The following P3H2 variants were observed in gnomAD, a reference collection of about 807,000 sequenced individuals.
P3H2 encodes leprecan-like 1.
Under a neutral mutation model 87.0 loss-of-function variants are expected in P3H2, and 80 were observed. That is an observed-to-expected ratio of 0.92 (90% CI 0.77 to 1.11). The LOEUF (loss-of-function observed/expected upper bound fraction) is 1.11, where lower values mean the gene tolerates loss of function less well. P3H2 is among the 50% of genes least tolerant of loss of function. The probability of loss-of-function intolerance (pLI) is 0.00; values close to 1 mark genes in which losing one functional copy is unlikely to be tolerated. For missense variants in P3H2, 1,001 were observed against 923.9 expected, an observed-to-expected ratio of 1.08 and a Z score of -1.08; for synonymous variants, 367 against 359.3, an observed-to-expected ratio of 1.02 and a Z score of -0.24.
chr3:189,961,349 C>G (rs903525351), intron 14 of P3H2, among the ~76,000 whole-genome samples: 1 of 152,208 alleles, frequency 6.6e-6, no homozygotes, highest in Admixed American at 6.5e-5. Context: ...GAAAGAAATT[C>G]AAGAGCTGGA....
intron 1 of P3H2, among the ~76,000 whole-genome samples, chr3:190,090,842 T>C (rs1032867210): frequency 1.3e-5 from 2 of 152,060 alleles, no homozygotes; most frequent in Admixed American, 6.5e-5. Context: ...CCATTTCCTC[T>C]GTGTGGAATG....
chr3:190,079,239 G>A (rs1400406408), intron 1 of P3H2, among the ~76,000 whole-genome samples: 1 of 151,908 alleles, frequency 6.6e-6, no homozygotes, highest in Non-Finnish European at 1.5e-5. Context: ...TACTCAGGAG[G>A]CTGAGGCAGG....
chr3:190,079,248 G>T (rs895097865), intron 1 of P3H2, among the ~76,000 whole-genome samples: 2 of 151,910 alleles, frequency 1.3e-5, no homozygotes, highest in Non-Finnish European at 2.9e-5. Flanking sequence ...GGCTGAGGCA[G>T]GAGAATCACT....
intron 14 of P3H2, among the ~76,000 whole-genome samples, chr3:189,961,373 A>G (rs1722805327): frequency 1.3e-5 from 2 of 152,220 alleles, no homozygotes; most frequent in South Asian, 4.1e-4. Flanking sequence ...AATATATATG[A>G]AGCTTCGAAC....
Position 190,041,083 on chromosome 3 carries a change from C to G in P3H2, c.481-45641G>C, listed in dbSNP as rs1249898931. Among the ~76,000 whole-genome samples, 61 of 32,626 alleles carry G rather than the reference C, an allele frequency of 1.9e-3. 3 individuals carry two copies. Among genetic ancestry groups the G allele is most frequent in the African/African-American group, 9.6e-3 (55 of 5,736 alleles). The allele number at this position is 32,626 out of a possible 152,430, so 21.4% of individuals were successfully genotyped here. On this transcript the variant is annotated intron_variant, in intron 1 of 14. Coordinates refer to ENST00000319332, the MANE Select transcript of P3H2 (RefSeq NM_018192.4). Reference sequence around the variant, plus strand: ...ACACACACACACACACACACACACTCTCTCTCTCTATATATATATATATAC... The same window carrying G: ...ACACACACACACACACACACACACTGTCTCTCTCTATATATATATATATAC...
intron 1 of P3H2, among the ~76,000 whole-genome samples, chr3:190,091,377 C>G (rs578011871): frequency 1.3e-5 from 2 of 152,292 alleles, no homozygotes; most frequent in South Asian, 4.1e-4. Context: ...ACAGTAACTT[C>G]TTTTAATGAC....
At chr3:190,032,966 A>G (rs182368904) in intron 1 of P3H2, among the ~76,000 whole-genome samples, 258 of 152,356 alleles carry the variant, frequency 1.7e-3, no homozygotes, top group African/African-American at 6.0e-3. Flanking sequence ...ACCATAATGT[A>G]GAATCAGTGG....
chr3:189,994,148 A>G lies in P3H2; in HGVS notation c.769T>C (p.Phe257Leu), dbSNP rs1474562261. 1 of 1,613,624 alleles carries G rather than the reference A, an allele frequency of 6.2e-7. No homozygotes were observed. Among genetic ancestry groups the G allele is most frequent in the East Asian group, 2.2e-5 (1 of 44,890 alleles). Reference protein sequence around the residue: ...CRTLCEGPQRFEEYEYLGYKA... With the variant: ...CRTLCEGPQRLEEYEYLGYKA... ...TACCCTAAATACTCATATTCTTCAAATCTCTGAGGCCCCTCACATAGGGTC... is the reference window on the plus strand; with the variant it reads ...TACCCTAAATACTCATATTCTTCAAGTCTCTGAGGCCCCTCACATAGGGTC... The change falls in exon 3 of 15, where the codon TTT (phenylalanine) becomes CTT (leucine). Residue 257 changes from phenylalanine to leucine, a missense_variant. By Grantham distance (22) the Phe-to-Leu change is conservative (BLOSUM62 0). Coordinates refer to ENST00000319332, the MANE Select transcript of P3H2 (RefSeq NM_018192.4).
intron 1 of P3H2, among the ~76,000 whole-genome samples, chr3:189,998,693 TG>T (rs1302775390): frequency 6.6e-6 from 1 of 152,212 alleles, no homozygotes; most frequent in African/African-American, 2.4e-5. Flanking sequence ...GAAAAAAACT[TG>T]TAAGAAGTAA....
intron 1 of P3H2, among the ~76,000 whole-genome samples, chr3:190,039,246 T>C (rs1409937938): frequency 2.0e-5 from 3 of 151,634 alleles, no homozygotes; most frequent in African/African-American, 4.8e-5. Context: ...TTATGGAGCA[T>C]ATGATTGTTG....
chr3:189,976,629 A>G (rs1028228879), intron 8 of P3H2, among the ~76,000 whole-genome samples: 1 of 152,226 alleles, frequency 6.6e-6, no homozygotes, highest in Non-Finnish European at 1.5e-5. Flanking sequence ...TTATAAGTGC[A>G]TCGTATTTCA....
intron 1 of P3H2, among the ~76,000 whole-genome samples, chr3:190,045,441 G>C (rs1483785086): frequency 6.6e-6 from 1 of 152,190 alleles, no homozygotes; most frequent in South Asian, 2.1e-4. Flanking sequence ...CTGCATTCCT[G>C]TTTGCTGCCT....
chr3:190,066,270 TATAC>T (rs1726502508), intron 1 of P3H2, among the ~76,000 whole-genome samples: 1 of 151,916 alleles, frequency 6.6e-6, no homozygotes, highest in Admixed American at 6.6e-5. Context: ...ATATGTGGTA[TATAC>T]ATACATATAT....
chr3:190,034,453 G>A (rs191910988), intron 1 of P3H2, among the ~76,000 whole-genome samples: 1 of 152,164 alleles, frequency 6.6e-6, no homozygotes, highest in African/African-American at 2.4e-5. Context: ...TTTCAGATAT[G>A]TAAAAAACAT....
intron 1 of P3H2, among the ~76,000 whole-genome samples, chr3:190,083,895 T>C (rs1226093001): frequency 6.6e-6 from 1 of 152,204 alleles, no homozygotes; most frequent in East Asian, 1.9e-4. Flanking sequence ...AACCACAAGC[T>C]TGGCTGGATT....
At chr3:189,984,617 A>G (rs78521896) in intron 6 of P3H2, 27 bp from the exon 7 acceptor site, 2 of 1,167,038 alleles carry the variant, frequency 1.7e-6, no homozygotes, top group South Asian at 2.5e-5. Context: ...AAAAAAAAAA[A>G]TGCAGTAATT....
chr3:190,016,003 C>T (rs1311902418), intron 1 of P3H2, among the ~76,000 whole-genome samples: 4 of 152,232 alleles, frequency 2.6e-5, no homozygotes, highest in South Asian at 2.1e-4. Flanking sequence ...GACTATTTCC[C>T]GTAAAGTTCA....
intron 7 of P3H2, among the ~76,000 whole-genome samples, 188 bp downstream of exon 7, chr3:189,984,362 T>G (rs1577254219): frequency 6.6e-6 from 1 of 152,020 alleles, no homozygotes; most frequent in Non-Finnish European, 1.5e-5. Flanking sequence ...GCAGAAGATA[T>G]ATTACCTAAG....
Position 189,957,028 on chromosome 3 carries a change from A to G in P3H2, c.*884T>C, listed in dbSNP as rs915795593. ...TTTTAAAGTGTACAACTTATAGGAC[A>G]GTCCTTTCTGGAGTACTGTGGAGGG... On this transcript the variant is annotated 3_prime_UTR_variant, in exon 15 of 15. Transcript: ENST00000319332. The G allele has an allele frequency of 5.0e-6, 2 of 398,282 alleles. No homozygotes were observed. The highest frequency in any genetic ancestry group is 8.9e-6 in the Non-Finnish European group (2 of 225,960). 24.7% of individuals were successfully genotyped at this position (398,282 alleles called of 1,614,324 possible).
Sources: allele counts gnomAD v4.1 joint callset (sites outside exome capture counted in the v4.1 genomes callset), GRCh38; gene constraint gnomAD v4.1.1; transcripts MANE v1.5; gene names NCBI Gene and HGNC (gene_info 2026-07-23, HGNC 2026-07-21).